Variants in PRKAR1A observed in about 807,000 individuals in gnomAD.
PRKAR1A encodes protein kinase cAMP-dependent type I regulatory subunit alpha, also known as cAMP-dependent protein kinase type I-alpha regulatory subunit.
Under a neutral mutation model 52.0 loss-of-function variants are expected in PRKAR1A, and 3 were observed. The ratio of observed to expected loss-of-function variants is 0.06; its 90% CI spans 0.03 to 0.15. PRKAR1A has a LOEUF of 0.15. PRKAR1A is among the 10% of genes least tolerant of loss of function. PRKAR1A has a pLI of 1.00. For synonymous variants in PRKAR1A, 188 were observed against 168.4 expected (o/e 1.12, Z -0.90); for missense variants, 240 against 477.4 (o/e 0.50, Z 4.63).
the PRKAR1A span, chr17:68,424,304 A>T: frequency 2.4e-6 from 1 of 417,268 alleles, no homozygotes; most frequent in Admixed American, 3.2e-5. Flanking sequence ...CGACCCGCAG[A>T]GCCGATGTGG....
chr17:68,418,627 A>C, the PRKAR1A span, among the ~76,000 whole-genome samples: 1 of 152,198 alleles, frequency 6.6e-6, no homozygotes, highest in Non-Finnish European at 1.5e-5. Flanking sequence ...GCCCCTATAG[A>C]CTTCCTTGTA....
At chr17:68,545,871 A>G (rs1007173173) in intron 11 of PRKAR1A, among the ~76,000 whole-genome samples, 1 of 152,186 alleles carries the variant, frequency 6.6e-6, no homozygotes, top group Non-Finnish European at 1.5e-5. Flanking sequence ...CTTATCCATA[A>G]GAAGCCACTC....
upstream of PRKAR1A, among the ~76,000 whole-genome samples, chr17:68,510,335 A>C (rs948046525): frequency 5.3e-5 from 8 of 152,174 alleles, no homozygotes; most frequent in African/African-American, 1.9e-4. Flanking sequence ...TACCTATGTT[A>C]AGAGTTACTA....
At chr17:68,543,533 A>G (rs2086406871) in intron 11 of PRKAR1A, 1 of 1,071,580 alleles carries the variant, frequency 9.3e-7, no homozygotes, top group Non-Finnish European at 1.4e-6. Flanking sequence ...GAAGGAAGAA[A>G]TGCCAGGGAG....
At chr17:68,520,597 A>G (rs756868986) in intron 2 of PRKAR1A, among the ~76,000 whole-genome samples, 2 of 152,170 alleles carry the variant, frequency 1.3e-5, no homozygotes, top group Non-Finnish European at 2.9e-5. Context: ...GAGGAAGGAG[A>G]CTGACAGAAG....
At chr17:68,454,950 G>A in the PRKAR1A span, among the ~76,000 whole-genome samples, 2 of 152,136 alleles carry the variant, frequency 1.3e-5, no homozygotes, top group Admixed American at 1.3e-4. Context: ...TCTGAATCAA[G>A]GAATTTAGAC....
the PRKAR1A span, chr17:68,427,184 A>G: frequency 2.3e-5 from 37 of 1,614,084 alleles, no homozygotes; most frequent in South Asian, 2.0e-4. Flanking sequence ...CGGTCGCTGC[A>G]TAAGACTGAG....
In PRKAR1A at chr17:68,542,039, C is replaced by T. The variant is rs142113880; in HGVS notation, c.974-9045C>T. On this transcript the variant is annotated intron_variant, in intron 11 of 11. Coordinates refer to the PRKAR1A transcript ENST00000585981. The stretch of plus-strand genomic sequence containing the variant: ...GATCCAGGGGTTGGGCACAGACAGC[C>T]TGGGGGCCAGGTTGAGGGACGGCAG... 18 of 1,613,974 alleles carry T rather than the reference C, an allele frequency of 1.1e-5. No individual in the cohort carries two copies. In the African/African-American group the frequency reaches 2.4e-4, roughly 22 times the overall value.
chr17:68,472,496 C>CA, the PRKAR1A span, among the ~76,000 whole-genome samples: 4 of 151,880 alleles, frequency 2.6e-5, no homozygotes, highest in Non-Finnish European at 5.9e-5. Context: ...GTTTCCTGTC[C>CA]AAAAAACAGG....
At chr17:68,465,932 G>A in the PRKAR1A span, among the ~76,000 whole-genome samples, 1,599 of 152,244 alleles carry the variant, frequency 0.011, 10 homozygotes, top group Non-Finnish European at 0.016. Context: ...ATTCAAGTCA[G>A]ACACTGGAAC....
At chr17:68,539,818 A>G in intron 11 of PRKAR1A, 1 of 1,504,970 alleles carries the variant, frequency 6.6e-7, no homozygotes, top group South Asian at 1.1e-5. Flanking sequence ...GTTTCCCCCG[A>G]GCAGCTGGCT....
chr17:68,534,998 C>A, downstream of PRKAR1A: 1 of 308,452 alleles, frequency 3.2e-6, no homozygotes, highest in South Asian at 2.9e-5. Flanking sequence ...AATATTCAAA[C>A]TCATATTGTC....
At chr17:68,513,616 G>T (rs1007443555) in intron 1 of PRKAR1A, among the ~76,000 whole-genome samples, 6 of 152,190 alleles carry the variant, frequency 3.9e-5, no homozygotes, top group African/African-American at 1.4e-4. Context: ...AGGCTAGGTT[G>T]TTGGGCTTTA....
intron 11 of PRKAR1A, chr17:68,540,881 A>G (rs1417706751): frequency 1.8e-5 from 29 of 1,604,792 alleles, no homozygotes; most frequent in Non-Finnish European, 2.3e-5. Flanking sequence ...CATGTCGATG[A>G]CATTGAGGAG....
the PRKAR1A span, among the ~76,000 whole-genome samples, chr17:68,456,546 C>T: frequency 1.3e-5 from 2 of 152,196 alleles, no homozygotes; most frequent in African/African-American, 2.4e-5. Context: ...CCTGCAGATG[C>T]CTGAAACACA....
the PRKAR1A span, chr17:68,426,104 A>T: frequency 6.2e-7 from 1 of 1,612,732 alleles, no homozygotes; most frequent in South Asian, 1.1e-5. Flanking sequence ...TCATCAAGAC[A>T]CACTGGTCCC....
intron 1 of PRKAR1A, among the ~76,000 whole-genome samples, chr17:68,513,561 C>T (rs72847784): frequency 0.18 from 27,372 of 152,120 alleles, 2,817 homozygotes; most frequent in African/African-American, 0.28. Flanking sequence ...AGAGACAATG[C>T]AGCGAAAGTT....
rs771912912 is a variant in PRKAR1A at position 68,540,899 on chromosome 17, C to T, written c.974-10185C>T. 14 of 1,605,574 alleles carry T rather than the reference C, an allele frequency of 8.7e-6. No individual in the cohort carries two copies. The highest frequency in any genetic ancestry group is 1.3e-5 in the African/African-American group (1 of 74,938). On this transcript the variant is annotated intron_variant, in intron 11 of 11. Coordinates refer to the PRKAR1A transcript ENST00000585981. ...GTCGATGACATTGAGGAGCCGCTGG[C>T]TGTTGTTGTACGGGTAGATCTGTTT...
the PRKAR1A span, among the ~76,000 whole-genome samples, chr17:68,425,382 CTTTTTTT>C: frequency 1.3e-4 from 17 of 132,322 alleles, no homozygotes; most frequent in Non-Finnish European, 1.6e-4. Flanking sequence ...TTTTTCTTTT[CTTTTTTT>C]TTTTTTTTTT....
Sources: allele counts gnomAD v4.1 joint callset (sites outside exome capture counted in the v4.1 genomes callset), GRCh38; gene constraint gnomAD v4.1.1; transcripts MANE v1.5; gene names NCBI Gene and HGNC (gene_info 2026-07-23, HGNC 2026-07-21).